The following PPARGC1A variants were observed in gnomAD, a reference collection of about 807,000 sequenced individuals.
The protein encoded by PPARGC1A is PPARG coactivator 1 alpha, also known as peroxisome proliferator-activated receptor gamma coactivator 1-alpha.
Under a neutral mutation model 88.7 loss-of-function variants are expected in PPARGC1A, and 25 were observed. The observed-to-expected ratio is 0.28, with a 90% CI of 0.21 to 0.39. The LOEUF is 0.39. Ranked by LOEUF, PPARGC1A falls within the 10% of genes least tolerant of loss-of-function variation. The probability of loss-of-function intolerance (pLI) is 1.00; values close to 1 mark genes in which losing one functional copy is unlikely to be tolerated. For synonymous variants in PPARGC1A, 363 were observed against 355.6 expected, an observed-to-expected ratio of 1.02 and a Z score of -0.24; for missense variants, 880 against 968.7, an observed-to-expected ratio of 0.91 and a Z score of 1.22.
the PPARGC1A span, among the ~76,000 whole-genome samples, chr4:24,317,185 C>T: frequency 2.6e-5 from 4 of 151,966 alleles, no homozygotes; most frequent in Admixed American, 1.3e-4. Flanking sequence ...TTAACCATTG[C>T]AACTCAACTC....
chr4:24,298,595 A>G, the PPARGC1A span, among the ~76,000 whole-genome samples: 1 of 152,118 alleles, frequency 6.6e-6, no homozygotes, highest in African/African-American at 2.4e-5. Flanking sequence ...ATGGCATTTT[A>G]CCTCCCTAAC....
the PPARGC1A span, among the ~76,000 whole-genome samples, chr4:24,455,463 T>C: frequency 6.6e-6 from 1 of 152,168 alleles, no homozygotes; most frequent in Admixed American, 6.5e-5. Flanking sequence ...CTGGACAACA[T>C]AGCAAAAGCA....
the PPARGC1A span, among the ~76,000 whole-genome samples, chr4:24,001,784 T>C: frequency 1.3e-5 from 2 of 152,106 alleles, no homozygotes; most frequent in Non-Finnish European, 2.9e-5. Flanking sequence ...GCTAACTCCA[T>C]GTGACAACAC....
chr4:24,196,860 T>C, the PPARGC1A span, among the ~76,000 whole-genome samples: 1 of 152,234 alleles, frequency 6.6e-6, no homozygotes, highest in Non-Finnish European at 1.5e-5. Context: ...TCCTACAACA[T>C]GATAGTTGTT....
intron 7 of PPARGC1A, among the ~76,000 whole-genome samples, chr4:23,814,958 T>C (rs1222496867): frequency 6.6e-6 from 1 of 152,012 alleles, no homozygotes; most frequent in Admixed American, 6.6e-5. Context: ...TCAAGGGGAT[T>C]GTATGGGCTG....
At chr4:24,343,188 C>G in the PPARGC1A span, among the ~76,000 whole-genome samples, 1 of 152,178 alleles carries the variant, frequency 6.6e-6, no homozygotes, top group Non-Finnish European at 1.5e-5. Flanking sequence ...GCCCATACTT[C>G]CCACGTTAGT....
At chr4:24,236,583 C>T in the PPARGC1A span, among the ~76,000 whole-genome samples, 1 of 152,186 alleles carries the variant, frequency 6.6e-6, no homozygotes, top group Non-Finnish European at 1.5e-5. Flanking sequence ...ACACCTGTAC[C>T]CTGCACTAAA....
the PPARGC1A span, among the ~76,000 whole-genome samples, chr4:24,403,544 A>C: frequency 2.6e-5 from 4 of 152,352 alleles, no homozygotes; most frequent in African/African-American, 9.6e-5. Flanking sequence ...CACCCTGGAC[A>C]GATTGTCACC....
the PPARGC1A span, among the ~76,000 whole-genome samples, chr4:24,063,889 G>A: frequency 1.3e-5 from 2 of 152,084 alleles, no homozygotes; most frequent in Non-Finnish European, 2.9e-5. Context: ...CTATTAATAT[G>A]GAACTTCATA....
the PPARGC1A span, among the ~76,000 whole-genome samples, chr4:24,338,100 G>A: frequency 4.3e-4 from 66 of 152,144 alleles, no homozygotes; most frequent in Middle Eastern, 0.01. Context: ...GGAAACTGAT[G>A]GAATTATAAA....
the PPARGC1A span, among the ~76,000 whole-genome samples, chr4:24,456,876 GC>G: frequency 2.4e-3 from 358 of 152,198 alleles, 2 homozygotes; most frequent in African/African-American, 8.2e-3. Context: ...GACTGAGCTG[GC>G]AAAGTATGGT....
the PPARGC1A span, among the ~76,000 whole-genome samples, chr4:24,002,068 TCACACA>T: frequency 1.1e-4 from 13 of 123,042 alleles, no homozygotes; most frequent in African/African-American, 2.7e-4. Context: ...GATGATAAAT[TCACACA>T]CACACACACA....
At chr4:24,300,290 TCC>T in the PPARGC1A span, among the ~76,000 whole-genome samples, 4 of 147,374 alleles carry the variant, frequency 2.7e-5, no homozygotes, top group African/African-American at 1.0e-4. Flanking sequence ...TTTTTTTTCC[TCC>T]TTTAAGCAAT....
chr4:23,882,362 T>C (rs1026707830), intron 2 of PPARGC1A, among the ~76,000 whole-genome samples: 1 of 152,210 alleles, frequency 6.6e-6, no homozygotes, highest in Non-Finnish European at 1.5e-5. Context: ...TAGTAATTTA[T>C]AAAGGGGAAG....
the PPARGC1A span, among the ~76,000 whole-genome samples, chr4:24,135,240 G>T: frequency 1.3e-5 from 2 of 152,292 alleles, no homozygotes; most frequent in South Asian, 4.2e-4. Flanking sequence ...GTGTCTCTGT[G>T]AGGAGCCATC....
At chr4:23,945,952 T>G in the PPARGC1A span, among the ~76,000 whole-genome samples, 1 of 152,036 alleles carries the variant, frequency 6.6e-6, no homozygotes, top group Non-Finnish European at 1.5e-5. Flanking sequence ...AGGCTAGAGA[T>G]TCAGAACTGG....
At chr4:24,269,661 TATCATCATC>T in the PPARGC1A span, among the ~76,000 whole-genome samples, 5 of 148,846 alleles carry the variant, frequency 3.4e-5, no homozygotes, top group African/African-American at 5.0e-5. Context: ...CACACTTTAT[TATCATCATC>T]ATCATCATCA....
the PPARGC1A span, among the ~76,000 whole-genome samples, chr4:24,157,142 G>C: frequency 6.6e-6 from 1 of 152,106 alleles, no homozygotes; most frequent in Non-Finnish European, 1.5e-5. Flanking sequence ...ACTTGGCCAA[G>C]TCATTTCACT....
chr4:23,986,424 G>T, the PPARGC1A span, among the ~76,000 whole-genome samples: 1 of 152,024 alleles, frequency 6.6e-6, no homozygotes, highest in Non-Finnish European at 1.5e-5. Context: ...TTAAAAGTAA[G>T]AGTTAATAAG....
Sources: gnomAD v4.1 joint callset for allele counts (sites outside exome capture counted in the v4.1 genomes callset) on GRCh38, gnomAD v4.1.1 for gene constraint, MANE v1.5 for transcripts, NCBI Gene and HGNC (gene_info 2026-07-23, HGNC 2026-07-21) for gene names.